LRRC4C: variants seen among roughly 807,000 people sequenced by gnomAD.
LRRC4C encodes leucine-rich repeat-containing protein 4C.
Under a neutral mutation model 33.6 loss-of-function variants are expected in LRRC4C, and 5 were observed. The observed-to-expected ratio is 0.15, with a 90% CI of 0.08 to 0.31. The LOEUF (loss-of-function observed/expected upper bound fraction) is 0.31, where lower values mean the gene tolerates loss of function less well. Ranked by LOEUF, LRRC4C falls within the 10% of genes least tolerant of loss-of-function variation. LRRC4C has a pLI of 1.00. For synonymous variants in LRRC4C, 329 were observed against 302.0 expected (o/e 1.09, Z -0.93); for missense variants, 560 against 796.7 (o/e 0.70, Z 3.58).
intron 1 of LRRC4C, among the ~76,000 whole-genome samples, chr11:41,219,334 G>A (rs895419635): frequency 1.3e-5 from 2 of 152,194 alleles, no homozygotes; most frequent in African/African-American, 4.8e-5. Context: ...TGCACAGTCA[G>A]TATTTTCAAA....
intron 5 of LRRC4C, among the ~76,000 whole-genome samples, chr11:40,174,616 C>G (rs889941276): frequency 3.9e-5 from 6 of 152,274 alleles, no homozygotes; most frequent in Middle Eastern, 3.4e-3. Flanking sequence ...TAGAAACAGT[C>G]CCATTTGTGC....
chr11:40,332,716 A>G (rs897537617), intron 3 of LRRC4C, among the ~76,000 whole-genome samples: 2 of 152,076 alleles, frequency 1.3e-5, no homozygotes, highest in Non-Finnish European at 2.9e-5. Flanking sequence ...TGAACACATC[A>G]TCTTCTTTTA....
intron 1 of LRRC4C, among the ~76,000 whole-genome samples, chr11:41,044,033 G>T (rs1009805358): frequency 6.6e-6 from 1 of 152,088 alleles, no homozygotes; most frequent in Admixed American, 6.6e-5. Flanking sequence ...CTAATGAAGT[G>T]CAGTAGAAAC....
intron 1 of LRRC4C, among the ~76,000 whole-genome samples, chr11:40,951,697 A>T (rs1177089185): frequency 6.6e-6 from 1 of 152,076 alleles, no homozygotes; most frequent in Non-Finnish European, 1.5e-5. Context: ...AATAATCATT[A>T]AATGGTGATG....
intron 1 of LRRC4C, among the ~76,000 whole-genome samples, chr11:41,403,669 T>C (rs1384362346): frequency 6.6e-6 from 1 of 152,046 alleles, no homozygotes; most frequent in Non-Finnish European, 1.5e-5. Flanking sequence ...TCCCTGAGGG[T>C]GCTGTTGCCA....
At chr11:40,356,900 TAGA>T (rs1020506678) in intron 3 of LRRC4C, among the ~76,000 whole-genome samples, 14 of 152,108 alleles carry the variant, frequency 9.2e-5, no homozygotes, top group Admixed American at 7.9e-4. Flanking sequence ...CACCAACCAT[TAGA>T]AGAAAGGCTG....
intron 2 of LRRC4C, among the ~76,000 whole-genome samples, chr11:40,762,412 C>T (rs1032098862): frequency 2.0e-5 from 3 of 152,112 alleles, no homozygotes; most frequent in Non-Finnish European, 4.4e-5. Context: ...TGATTCAAGA[C>T]ACTGTTGAGT....
chr11:40,154,934 A>G (rs1454694390), intron 5 of LRRC4C, among the ~76,000 whole-genome samples: 1 of 152,190 alleles, frequency 6.6e-6, no homozygotes, highest in African/African-American at 2.4e-5. Flanking sequence ...TCTTTCTCCA[A>G]GGTAGACCAT....
chr11:40,470,117 A>G (rs945873093), intron 3 of LRRC4C, among the ~76,000 whole-genome samples: 1 of 152,178 alleles, frequency 6.6e-6, no homozygotes, highest in African/African-American at 2.4e-5. Flanking sequence ...GTCGACAGAC[A>G]CCTCATATAG....
chr11:40,500,311 C>T lies in LRRC4C; in HGVS notation c.-270+147831G>A, dbSNP rs1199608474. On this transcript the variant is annotated intron_variant, in intron 3 of 6. Coordinates refer to ENST00000528697, the MANE Select transcript of LRRC4C (RefSeq NM_001258419.2). ...ATATATATACACACACACACACACA[C>T]ACACACACACACACACACACACATT... 6.7e-3 allele frequency among the ~76,000 whole-genome samples: 981 copies of T among 145,896 alleles called. 13 individuals carry two copies. The highest frequency in any genetic ancestry group is 0.023 in the African/African-American group (928 of 40,120).
intron 3 of LRRC4C, among the ~76,000 whole-genome samples, chr11:40,580,775 T>C (rs1175497377): frequency 6.6e-6 from 1 of 152,168 alleles, no homozygotes; most frequent in Non-Finnish European, 1.5e-5. Flanking sequence ...AATTCAAAAA[T>C]CTTAACTTGG....
At chr11:41,048,585 T>G (rs1387181161) in intron 1 of LRRC4C, among the ~76,000 whole-genome samples, 2 of 152,118 alleles carry the variant, frequency 1.3e-5, no homozygotes, top group Non-Finnish European at 2.9e-5. Context: ...TTTTAAAAAT[T>G]TTTTCATCTT....
chr11:40,896,638 A>C (rs1243436966), intron 2 of LRRC4C, among the ~76,000 whole-genome samples: 1 of 151,970 alleles, frequency 6.6e-6, no homozygotes, highest in East Asian at 1.9e-4. Context: ...TATGTAGATA[A>C]GAGTAAAATC....
chr11:40,233,065 C>T (rs1865314794), intron 5 of LRRC4C, among the ~76,000 whole-genome samples: 1 of 152,184 alleles, frequency 6.6e-6, no homozygotes, highest in Non-Finnish European at 1.5e-5. Context: ...CAGTCTTTAG[C>T]TACACTAGAC....
At chr11:41,089,972 G>A (rs917148418) in intron 1 of LRRC4C, among the ~76,000 whole-genome samples, 9 of 151,762 alleles carry the variant, frequency 5.9e-5, no homozygotes, top group African/African-American at 2.2e-4. Flanking sequence ...AAAGAATAAG[G>A]TGATTGGAAA....
chr11:40,834,432 C>T (rs1355426419), intron 2 of LRRC4C, among the ~76,000 whole-genome samples: 1 of 149,622 alleles, frequency 6.7e-6, no homozygotes, highest in Non-Finnish European at 1.5e-5. Flanking sequence ...GATCGTGCCA[C>T]TGCACTCCAG....
chr11:40,984,350 G>GAAAAAGAAAGAAAAA (rs1565270370), intron 1 of LRRC4C, among the ~76,000 whole-genome samples: 17 of 96,188 alleles, frequency 1.8e-4, no homozygotes, highest in African/African-American at 6.1e-4. Context: ...AAGTAGGAAA[G>GAAAAAGAAAGAAAAA]AGAAAGAAAG....
intron 1 of LRRC4C, among the ~76,000 whole-genome samples, chr11:41,400,961 T>G (rs1565643527): frequency 6.6e-6 from 1 of 151,500 alleles, no homozygotes; most frequent in Non-Finnish European, 1.5e-5. Flanking sequence ...ACTTTTTTTT[T>G]ATGCTGACAC....
At chr11:40,305,028 G>A (rs909765021) in intron 4 of LRRC4C, among the ~76,000 whole-genome samples, 3 of 152,188 alleles carry the variant, frequency 2.0e-5, no homozygotes, top group Non-Finnish European at 4.4e-5. Flanking sequence ...GCCTCCCAAA[G>A]TGCTGGGATT....
Sources: gnomAD v4.1 joint callset for allele counts (sites outside exome capture counted in the v4.1 genomes callset) on GRCh38, gnomAD v4.1.1 for gene constraint, MANE v1.5 for transcripts, NCBI Gene and HGNC (gene_info 2026-07-23, HGNC 2026-07-21) for gene names.